EMILIN2: variants seen among roughly 807,000 people sequenced by gnomAD.
EMILIN2 encodes EMILIN-2.
EMILIN2 carries 71 observed loss-of-function variants against 87.1 expected under a neutral mutation model. The ratio of observed to expected loss-of-function variants is 0.82; its 90% CI spans 0.67 to 0.99. EMILIN2 has a LOEUF of 0.99. EMILIN2 is among the 50% of genes least tolerant of loss of function. The pLI, the probability that EMILIN2 is intolerant of heterozygous loss-of-function variation, is 0.00. For missense variants in EMILIN2, 1,407 were observed against 1,371.8 expected, an observed-to-expected ratio of 1.03 and a Z score of -0.40; for synonymous variants, 581 against 563.4, an observed-to-expected ratio of 1.03 and a Z score of -0.44.
chr18:2,850,140 A>G (rs1240068267), intron 2 of EMILIN2, among the ~76,000 whole-genome samples: 1 of 147,840 alleles, frequency 6.8e-6, no homozygotes, highest in Admixed American at 6.8e-5. Flanking sequence ...TAGGGTTTCA[A>G]CATGTTGGTA....
chr18:2,891,265 A>G lies in EMILIN2; in HGVS notation c.1138A>G (p.Ile380Val). 2 of 1,614,192 alleles carry G rather than the reference A, an allele frequency of 1.2e-6. No individual in the cohort carries two copies. Among genetic ancestry groups the G allele is most frequent in the Non-Finnish European group, 8.5e-7 (1 of 1,180,030 alleles). ...GAAGGAAACAAGCCTGAGAAAAGAAATAAATAACCTCCGAGCCCGGCTACA... is the reference window on the plus strand; with the variant it reads ...GAAGGAAACAAGCCTGAGAAAAGAAGTAAATAACCTCCGAGCCCGGCTACA... Reference protein sequence around the residue: ...GEKETSLRKEINNLRARLQEP... With the variant: ...GEKETSLRKEVNNLRARLQEP... Residue 380 changes from isoleucine (I) to valine (V), a missense_variant, in exon 4 of 8, where the codon ATA (isoleucine) becomes GTA (valine). Transcript: ENST00000254528. This position sits in a 1 kb window ranked among gnomAD's most constrained non-coding sequence, Gnocchi z 4.6.
chr18:2,904,460 T>G (rs1399342232), intron 4 of EMILIN2, among the ~76,000 whole-genome samples: 1 of 152,232 alleles, frequency 6.6e-6, no homozygotes, highest in African/African-American at 2.4e-5. Flanking sequence ...TTCTTATGAT[T>G]TCCTTCCTAT....
intron 4 of EMILIN2, among the ~76,000 whole-genome samples, chr18:2,898,765 C>T (rs760900923): frequency 2.0e-5 from 3 of 152,230 alleles, no homozygotes; most frequent in Non-Finnish European, 4.4e-5. Context: ...GGCCAGGGCA[C>T]TGCCTGATGC....
In EMILIN2 at chr18:2,913,206, G is replaced by A. The variant is rs769827446; in HGVS notation, c.2964G>A (p.Glu988=). 5 of 1,614,038 alleles carry A rather than the reference G, an allele frequency of 3.1e-6. No individual in the cohort carries two copies. The South Asian group carries it at 5.5e-5, about 18-fold the overall frequency. Residue 988 remains glutamate, a synonymous_variant, in exon 8 of 8, where the codon GAG becomes GAA. Coordinates refer to ENST00000254528, the MANE Select transcript of EMILIN2 (RefSeq NM_032048.3). ...TGCATACCGCTGGGTACAGGAGAGA[G>A]TTCCTGGAATACCACCGCCCTCCAG... The part of the protein sequence containing the change: ...AQLHTAGYRR[E]FLEYHRPPGA...
intron 4 of EMILIN2, among the ~76,000 whole-genome samples, chr18:2,899,662 G>A (rs970352952): frequency 1.3e-5 from 2 of 151,848 alleles, no homozygotes; most frequent in Admixed American, 6.6e-5. Context: ...CCACCACCAC[G>A]ACCCACTAAT....
intron 2 of EMILIN2, among the ~76,000 whole-genome samples, chr18:2,865,393 G>A (rs1192244248): frequency 1.3e-5 from 2 of 152,170 alleles, no homozygotes; most frequent in African/African-American, 2.4e-5. Flanking sequence ...TGGGGTTTTG[G>A]TGTGGATGTC....
chr18:2,893,874 GT>G (rs889682051), intron 4 of EMILIN2, among the ~76,000 whole-genome samples: 3 of 152,174 alleles, frequency 2.0e-5, no homozygotes, highest in Admixed American at 6.5e-5. Flanking sequence ...TCCAAGAATT[GT>G]TTTCTTGCAG....
chr18:2,899,729 C>T (rs962101858), intron 4 of EMILIN2, among the ~76,000 whole-genome samples: 1 of 152,116 alleles, frequency 6.6e-6, no homozygotes, highest in African/African-American at 2.4e-5. Flanking sequence ...GTTTCAAACT[C>T]CTGACCTCAG....
In EMILIN2 at chr18:2,913,648, T is replaced by TTTTCA; in HGVS notation, c.*244_*245insTTTCA. On this transcript the variant is annotated 3_prime_UTR_variant, in exon 8 of 8. Transcript: ENST00000254528. ...ACTCTAACTGGACAACTGGAAGACT[T>TTTTCA]GGAAAGGCCTCCACCTGTATCTACA... 10 of 479,930 alleles carry TTTTCA rather than the reference T, an allele frequency of 2.1e-5. No individual in the cohort carries two copies. Among genetic ancestry groups the TTTTCA allele is most frequent in the East Asian group, 3.8e-5 (1 of 26,652 alleles). The allele number at this position is 479,930 out of a possible 1,614,324, so 29.7% of individuals were successfully genotyped here.
chr18:2,913,046 G>A, intron 7 of EMILIN2, 21 bp from the exon 8 acceptor site: 3 of 1,604,374 alleles, frequency 1.9e-6, no homozygotes, highest in South Asian at 1.1e-5. Context: ...GTGAGCACAG[G>A]GTTTGCCTTT....
intron 2 of EMILIN2, among the ~76,000 whole-genome samples, chr18:2,849,858 G>A (rs1312041737): frequency 1.3e-5 from 2 of 152,146 alleles, no homozygotes; most frequent in African/African-American, 4.8e-5. Flanking sequence ...CTTTAGGGAT[G>A]GAACAGAATG....
chr18:2,848,972 G>A lies in EMILIN2; in HGVS notation c.257+1041G>A, dbSNP rs1243099395. 6.6e-6 allele frequency among the ~76,000 whole-genome samples: 1 copy of A among 152,158 alleles called. No individual in the cohort carries two copies. The highest frequency in any genetic ancestry group is 1.9e-4 in the East Asian group (1 of 5,198). Reference sequence around the variant, plus strand: ...GGTCCACCCCACGTGGGCTTCTGGAGGAGCTGCCAACAGGGTTCAGCTAAT... The same window carrying A: ...GGTCCACCCCACGTGGGCTTCTGGAAGAGCTGCCAACAGGGTTCAGCTAAT... On this transcript the variant is annotated intron_variant, in intron 2 of 7. Transcript: ENST00000254528. The surrounding 1 kb of genome is among the most constrained non-coding windows in gnomAD (Gnocchi z 4.1).
chr18:2,854,205 C>G (rs998746519), intron 2 of EMILIN2, among the ~76,000 whole-genome samples: 2 of 152,104 alleles, frequency 1.3e-5, no homozygotes, highest in Non-Finnish European at 2.9e-5. Flanking sequence ...GCCACCTCCC[C>G]CCTCAGCCCC....
At position 2,847,948 on chromosome 18, in the gene EMILIN2, G is replaced by A. The variant is rs1394680134; in HGVS notation, c.257+17G>A. The A allele has an allele frequency of 1.2e-6, 2 of 1,601,474 alleles. No homozygotes were observed. The highest frequency in any genetic ancestry group is 1.7e-6 in the Non-Finnish European group (2 of 1,176,474). ...GGCGCTGGTGTAAGTCCTGGAGCCGGGGAGCGGGCGGGGCGCGCCCGGGCC... is the reference window on the plus strand; with the variant it reads ...GGCGCTGGTGTAAGTCCTGGAGCCGAGGAGCGGGCGGGGCGCGCCCGGGCC... On this transcript the variant is annotated intron_variant, in intron 2 of 7. Transcript: ENST00000254528. The surrounding 1 kb of genome is among the most constrained non-coding windows in gnomAD (Gnocchi z 4.5).
chr18:2,888,438 G>A (rs1038379337), intron 3 of EMILIN2, among the ~76,000 whole-genome samples: 4 of 151,974 alleles, frequency 2.6e-5, no homozygotes, highest in East Asian at 1.9e-4. Flanking sequence ...AATAACGGCC[G>A]GGCGCGGTGG....
chr18:2,878,063 G>T (rs2144011213), intron 2 of EMILIN2, among the ~76,000 whole-genome samples: 1 of 152,302 alleles, frequency 6.6e-6, no homozygotes, highest in South Asian at 2.1e-4. Flanking sequence ...ATGGGGAGAT[G>T]GTGTTTAATG....
At chr18:2,858,569 A>ATATATATATATATATATG (rs1305555851) in intron 2 of EMILIN2, among the ~76,000 whole-genome samples, 1 of 55,430 alleles carries the variant, frequency 1.8e-5, no homozygotes, top group Non-Finnish European at 3.0e-5. Flanking sequence ...ATATATATAT[A>ATATATATATATATATATG]TGTGTGTGTG....
intron 3 of EMILIN2, among the ~76,000 whole-genome samples, chr18:2,889,115 T>TTTTCATTTC (rs1304866975): frequency 7.8e-5 from 11 of 140,224 alleles, no homozygotes; most frequent in African/African-American, 2.9e-4. Flanking sequence ...TTTTCTTTCC[T>TTTTCATTTC]TTTCATTTCT....
At chr18:2,874,594 G>A (rs563881045) in intron 2 of EMILIN2, among the ~76,000 whole-genome samples, 20 of 152,170 alleles carry the variant, frequency 1.3e-4, no homozygotes, top group East Asian at 9.6e-4. Flanking sequence ...GAGTACAGGC[G>A]AATGAAAACA....
Sources: allele counts gnomAD v4.1 joint callset (sites outside exome capture counted in the v4.1 genomes callset), GRCh38; gene constraint gnomAD v4.1.1; non-coding constraint Gnocchi (gnomAD v3.1); transcripts MANE v1.5; gene names NCBI Gene and HGNC (gene_info 2026-07-23, HGNC 2026-07-21).